Variants in MBNL1 observed in about 807,000 individuals in gnomAD.
MBNL1 encodes the protein muscleblind like splicing regulator 1, also known as muscleblind-like protein 1.
Under a neutral mutation model 42.2 loss-of-function variants are expected in MBNL1, and 8 were observed. The ratio of observed to expected loss-of-function variants is 0.19; its 90% CI spans 0.11 to 0.34. The LOEUF (loss-of-function observed/expected upper bound fraction) is 0.34, where lower values mean the gene tolerates loss of function less well. Among genes scored for constraint, MBNL1 ranks in the 10% least tolerant of loss-of-function variants. MBNL1 has a pLI of 1.00. For synonymous variants in MBNL1, 169 were observed against 173.9 expected, an observed-to-expected ratio of 0.97 and a Z score of 0.22; for missense variants, 309 against 495.3, an observed-to-expected ratio of 0.62 and a Z score of 3.57.
At chr3:152,454,375 A>G (rs1463800842) in intron 6 of MBNL1, among the ~76,000 whole-genome samples, 2 of 152,176 alleles carry the variant, frequency 1.3e-5, no homozygotes, top group Non-Finnish European at 2.9e-5. Context: ...TTTGGCAGAT[A>G]TTTTTCTAAC....
chr3:152,324,517 G>A (rs2078309983), intron 2 of MBNL1, among the ~76,000 whole-genome samples: 1 of 152,146 alleles, frequency 6.6e-6, no homozygotes, highest in Non-Finnish European at 1.5e-5. Flanking sequence ...GCTTAAAATT[G>A]GCTATGGTGA....
chr3:152,384,029 TG>T (rs2153426858), intron 2 of MBNL1, among the ~76,000 whole-genome samples: 2 of 152,278 alleles, frequency 1.3e-5, no homozygotes, highest in East Asian at 3.9e-4. Context: ...ATTCGTTATT[TG>T]GGTAATGAAG....
intron 2 of MBNL1, among the ~76,000 whole-genome samples, chr3:152,408,448 T>C (rs760429843): frequency 2.0e-5 from 3 of 152,160 alleles, no homozygotes; most frequent in Non-Finnish European, 4.4e-5. Flanking sequence ...ACATGAAATA[T>C]AAATTATGTC....
upstream of MBNL1, chr3:152,263,829 G>T (rs1318466246): frequency 5.3e-5 from 8 of 152,060 alleles, no homozygotes; most frequent in African/African-American, 9.7e-5. Flanking sequence ...TTTTGAGTGT[G>T]ATTAATTTGA....
chr3:152,410,105 C>A (rs908570284), intron 2 of MBNL1, among the ~76,000 whole-genome samples: 7 of 151,752 alleles, frequency 4.6e-5, no homozygotes, highest in African/African-American at 9.7e-5. Flanking sequence ...CTATATATAT[C>A]ACATATGCAG....
At chr3:152,413,946 T>A (rs573051469) in intron 2 of MBNL1, among the ~76,000 whole-genome samples, 66 of 152,348 alleles carry the variant, frequency 4.3e-4, no homozygotes, top group Admixed American at 8.5e-4. Context: ...CTTATGATTT[T>A]ATAGTAACTT....
chr3:152,436,116 A>G (rs1487505757), intron 4 of MBNL1, among the ~76,000 whole-genome samples: 1 of 152,224 alleles, frequency 6.6e-6, no homozygotes, highest in African/African-American at 2.4e-5. Context: ...TTGTATGAAC[A>G]TAATTGATTC....
chr3:152,380,425 A>T (rs1164834358), intron 2 of MBNL1, among the ~76,000 whole-genome samples: 3 of 152,042 alleles, frequency 2.0e-5, no homozygotes, highest in Non-Finnish European at 4.4e-5. Context: ...GAATGGAGAG[A>T]ATGAGAAGAA....
chr3:152,286,023 A>C (rs879943541), intron 1 of MBNL1, among the ~76,000 whole-genome samples: 3 of 151,978 alleles, frequency 2.0e-5, no homozygotes, highest in Non-Finnish European at 4.4e-5. Context: ...AATGTAGCAC[A>C]AGCCAACTTT....
chr3:152,292,634 C>G (rs1195647991), intron 1 of MBNL1, among the ~76,000 whole-genome samples: 1 of 152,150 alleles, frequency 6.6e-6, no homozygotes, highest in African/African-American at 2.4e-5. Context: ...TGAAAGTTAT[C>G]TTTTTCTTTG....
chr3:152,353,339 C>G (rs1055135844), intron 2 of MBNL1, among the ~76,000 whole-genome samples: 2 of 152,192 alleles, frequency 1.3e-5, no homozygotes, highest in Non-Finnish European at 2.9e-5. Flanking sequence ...TCTGGGAAAT[C>G]AAACCACCAT....
intron 2 of MBNL1, among the ~76,000 whole-genome samples, chr3:152,366,698 G>A (rs1459430094): frequency 6.6e-6 from 1 of 152,118 alleles, no homozygotes; most frequent in African/African-American, 2.4e-5. Flanking sequence ...GCATAAGGAA[G>A]AAACAATATC....
chr3:152,332,779 G>C (rs2152682697), intron 2 of MBNL1, among the ~76,000 whole-genome samples: 1 of 151,594 alleles, frequency 6.6e-6, no homozygotes, highest in African/African-American at 2.4e-5. Flanking sequence ...TATTAGGTTA[G>C]AGTTTAAAAA....
At chr3:152,461,250 A>G (rs560680968) in intron 9 of MBNL1, among the ~76,000 whole-genome samples, 3 of 152,378 alleles carry the variant, frequency 2.0e-5, no homozygotes, top group Admixed American at 6.5e-5. Context: ...CTGGAGAAGT[A>G]CTGCCAAAGA....
chr3:152,368,210 G>GAA (rs2096504288), intron 2 of MBNL1, among the ~76,000 whole-genome samples: 3 of 152,260 alleles, frequency 2.0e-5, no homozygotes, highest in Admixed American at 6.5e-5. Context: ...AAGGGGTCCA[G>GAA]TTTCAGTTTT....
chr3:152,304,880 CT>C (rs1286277605), intron 2 of MBNL1, among the ~76,000 whole-genome samples: 2 of 151,988 alleles, frequency 1.3e-5, no homozygotes, highest in Non-Finnish European at 1.5e-5. Flanking sequence ...TTTTAGAAAA[CT>C]TTTTTTTATG....
At chr3:152,280,249 A>G (rs1326942767) in intron 1 of MBNL1, among the ~76,000 whole-genome samples, 1 of 152,148 alleles carries the variant, frequency 6.6e-6, no homozygotes, top group Non-Finnish European at 1.5e-5. Context: ...AGTGGGCACA[A>G]AGAAGCCAAG....
chr3:152,281,966 TG>T (rs369431895), intron 1 of MBNL1, among the ~76,000 whole-genome samples: 3 of 152,180 alleles, frequency 2.0e-5, no homozygotes, highest in African/African-American at 7.2e-5. Context: ...TATGTGTGCA[TG>T]TTTTTGTGTC....
At chr3:152,444,303 T>C (rs897413574) in intron 4 of MBNL1, among the ~76,000 whole-genome samples, 2 of 152,160 alleles carry the variant, frequency 1.3e-5, no homozygotes, top group African/African-American at 4.8e-5. Flanking sequence ...CGCAGATGAA[T>C]GAGAAATAAT....
Sources: gnomAD v4.1 joint callset for allele counts (sites outside exome capture counted in the v4.1 genomes callset) on GRCh38, gnomAD v4.1.1 for gene constraint, MANE v1.5 for transcripts, NCBI Gene and HGNC (gene_info 2026-07-23, HGNC 2026-07-21) for gene names.